The following GLIS3 variants were observed in gnomAD, a reference collection of about 807,000 sequenced individuals.
GLIS3 encodes the protein zinc finger protein GLIS3.
A neutral mutation model predicts 78.6 loss-of-function variants in GLIS3; 53 were observed. That is an observed-to-expected ratio of 0.67 (90% CI 0.54 to 0.85). The LOEUF is 0.85. Ranked by LOEUF, GLIS3 falls within the 40% of genes least tolerant of loss-of-function variation. GLIS3 has a pLI of 0.00. For synonymous variants in GLIS3, 684 were observed against 509.9 expected, an observed-to-expected ratio of 1.34 and a Z score of -4.60; for missense variants, 1,703 against 1,231.1, an observed-to-expected ratio of 1.38 and a Z score of -5.74.
chr9:4,113,690 A>G (rs1310987542), intron 4 of GLIS3, among the ~76,000 whole-genome samples: 3 of 152,212 alleles, frequency 2.0e-5, no homozygotes, highest in Non-Finnish European at 4.4e-5. Context: ...GACATGTCTT[A>G]TGAGGCCAAA....
chr9:4,187,178 T>C (rs994729907), intron 2 of GLIS3, among the ~76,000 whole-genome samples: 1 of 152,200 alleles, frequency 6.6e-6, no homozygotes, highest in African/African-American at 2.4e-5. Context: ...TTGTGTAAGG[T>C]GTAAGGAAGG....
At chr9:4,332,102 C>T (rs772125042) in intron 2 of GLIS3, among the ~76,000 whole-genome samples, 3 of 152,144 alleles carry the variant, frequency 2.0e-5, no homozygotes, top group Non-Finnish European at 4.4e-5. Flanking sequence ...TTTGGATTCC[C>T]ATCCCATCAC....
At chr9:4,447,184 A>T in the GLIS3 span, among the ~76,000 whole-genome samples, 1 of 152,082 alleles carries the variant, frequency 6.6e-6, no homozygotes, top group Non-Finnish European at 1.5e-5. Context: ...AGTAGCTGGG[A>T]CTATAGGCAT....
chr9:4,262,628 T>A (rs910537897), intron 2 of GLIS3, among the ~76,000 whole-genome samples: 12 of 152,296 alleles, frequency 7.9e-5, no homozygotes, highest in African/African-American at 2.6e-4. Flanking sequence ...TATAAATTGA[T>A]GAGAAGGTGG....
chr9:4,022,707 C>T (rs1482291630), intron 4 of GLIS3, among the ~76,000 whole-genome samples: 2 of 152,122 alleles, frequency 1.3e-5, no homozygotes, highest in African/African-American at 4.8e-5. Context: ...ATACAGTATG[C>T]ATCCACCCAG....
At chr9:4,208,389 G>A (rs1291204444) in intron 2 of GLIS3, among the ~76,000 whole-genome samples, 12 of 152,188 alleles carry the variant, frequency 7.9e-5, no homozygotes, top group East Asian at 7.7e-4. Context: ...TCAGCCTGAC[G>A]TCAATGGCAA....
the GLIS3 span, among the ~76,000 whole-genome samples, chr9:4,471,099 TAA>T: frequency 6.6e-6 from 1 of 151,870 alleles, no homozygotes; most frequent in Non-Finnish European, 1.5e-5. Context: ...CTCAACGAAA[TAA>T]AAGAGGACAC....
chr9:3,968,214 G>A (rs561760751), intron 4 of GLIS3, among the ~76,000 whole-genome samples: 8 of 152,164 alleles, frequency 5.3e-5, no homozygotes, highest in Non-Finnish European at 8.8e-5. Context: ...AGCAGGAGCA[G>A]AATGATCGTC....
the GLIS3 span, among the ~76,000 whole-genome samples, chr9:4,449,906 C>G: frequency 1.8e-4 from 27 of 152,196 alleles, no homozygotes; most frequent in African/African-American, 6.5e-4. Context: ...GAGAGGAAAA[C>G]CTGAAAATTC....
intron 7 of GLIS3, among the ~76,000 whole-genome samples, chr9:3,887,412 C>A (rs546440180): frequency 1.3e-5 from 2 of 152,186 alleles, no homozygotes; most frequent in African/African-American, 2.4e-5. Flanking sequence ...AGTGAGGGCA[C>A]GGCTCTGTAG....
the GLIS3 span, among the ~76,000 whole-genome samples, chr9:4,425,311 A>G: frequency 3.2e-4 from 49 of 152,232 alleles, no homozygotes; most frequent in Non-Finnish European, 6.6e-4. Context: ...CCTTTATCAA[A>G]GATATCATTA....
At chr9:3,906,227 A>G (rs945046738) in intron 6 of GLIS3, among the ~76,000 whole-genome samples, 2 of 152,232 alleles carry the variant, frequency 1.3e-5, no homozygotes, top group African/African-American at 4.8e-5. Flanking sequence ...AGCAGGAAAC[A>G]AAGTGGTTTA....
At chr9:3,972,831 G>A (rs1459851690) in intron 4 of GLIS3, among the ~76,000 whole-genome samples, 1 of 152,160 alleles carries the variant, frequency 6.6e-6, no homozygotes, top group African/African-American at 2.4e-5. Flanking sequence ...TTATAGAAAA[G>A]CATATGTTGA....
At chr9:4,109,890 T>C (rs1266466359) in intron 4 of GLIS3, among the ~76,000 whole-genome samples, 3 of 152,214 alleles carry the variant, frequency 2.0e-5, no homozygotes, top group Admixed American at 6.5e-5. Flanking sequence ...TAAGAATTAC[T>C]GTCTTCTTTC....
At chr9:4,420,222 G>T in the GLIS3 span, among the ~76,000 whole-genome samples, 6 of 152,180 alleles carry the variant, frequency 3.9e-5, no homozygotes, top group African/African-American at 1.4e-4. Flanking sequence ...ACATGGAGAG[G>T]AAGATGCAAT....
At chr9:4,201,419 C>G (rs1055721214) in intron 2 of GLIS3, among the ~76,000 whole-genome samples, 29 of 152,138 alleles carry the variant, frequency 1.9e-4, no homozygotes, top group Admixed American at 5.2e-4. Flanking sequence ...AAATCTGATT[C>G]TATACCTAGA....
chr9:4,142,593 A>G (rs1833894166), intron 2 of GLIS3, among the ~76,000 whole-genome samples: 1 of 152,198 alleles, frequency 6.6e-6, no homozygotes, highest in Non-Finnish European at 1.5e-5. Flanking sequence ...TCTCACTTTG[A>G]TCTTCTTATA....
intron 2 of GLIS3, among the ~76,000 whole-genome samples, chr9:4,149,202 A>G (rs2131028573): frequency 6.6e-6 from 1 of 152,344 alleles, no homozygotes; most frequent in Admixed American, 6.5e-5. Flanking sequence ...GCTTAATGGA[A>G]GGCTTACTTG....
chr9:4,084,256 AACACACACACACAC>A (rs370384726), intron 4 of GLIS3, among the ~76,000 whole-genome samples: 7 of 132,202 alleles, frequency 5.3e-5, no homozygotes, highest in South Asian at 2.6e-4. Flanking sequence ...TCCTCTCTCT[AACACACACACACAC>A]ACACACACAC....
Sources: allele counts gnomAD v4.1 joint callset (sites outside exome capture counted in the v4.1 genomes callset), GRCh38; gene constraint gnomAD v4.1.1; transcripts MANE v1.5; gene names NCBI Gene and HGNC (gene_info 2026-07-23, HGNC 2026-07-21).